Variants in MLLT3 observed in about 807,000 individuals in gnomAD.
The protein encoded by MLLT3 is MLLT3 super elongation complex subunit.
A neutral mutation model predicts 53.2 loss-of-function variants in MLLT3; 4 were observed. The observed-to-expected ratio is 0.08, with a 90% CI of 0.04 to 0.17. MLLT3 has a LOEUF of 0.17. Ranked by LOEUF, MLLT3 falls within the 10% of genes least tolerant of loss-of-function variation. The pLI is 1.00. For synonymous variants in MLLT3, 283 were observed against 230.6 expected, an observed-to-expected ratio of 1.23 and a Z score of -2.06; for missense variants, 569 against 684.0, an observed-to-expected ratio of 0.83 and a Z score of 1.87.
At chr9:20,364,295 T>C (rs1821396598) in intron 6 of MLLT3, among the ~76,000 whole-genome samples, 2 of 152,090 alleles carry the variant, frequency 1.3e-5, no homozygotes, top group Admixed American at 6.6e-5. Flanking sequence ...CAGGACAGTA[T>C]CCAGTATCAG....
intron 2 of MLLT3, among the ~76,000 whole-genome samples, chr9:20,503,604 T>C (rs1012890073): frequency 6.6e-6 from 1 of 152,060 alleles, no homozygotes; most frequent in Non-Finnish European, 1.5e-5. Flanking sequence ...GAAGAAAACA[T>C]AGCAGAAATT....
intron 8 of MLLT3, among the ~76,000 whole-genome samples, chr9:20,357,643 T>C (rs1302633614): frequency 2.6e-5 from 4 of 152,244 alleles, no homozygotes; most frequent in Admixed American, 6.5e-5. Flanking sequence ...TCAGGTTAAT[T>C]ACTTGCTTGG....
chr9:20,572,339 G>T (rs1388350068), intron 2 of MLLT3, among the ~76,000 whole-genome samples: 1 of 152,146 alleles, frequency 6.6e-6, no homozygotes, highest in Non-Finnish European at 1.5e-5. Context: ...TTTCAAAATT[G>T]CTGAGAGAGT....
rs1336916522 is a variant in MLLT3, at chr9:20,345,413, A to T, written c.*1030T>A. 1 of 212,162 alleles carries T rather than the reference A, an allele frequency of 4.7e-6. No individual in the cohort carries two copies. The highest frequency in any genetic ancestry group is 7.1e-5 in the East Asian group (1 of 14,134). 13.1% of individuals were successfully genotyped at this position (212,162 alleles called of 1,614,324 possible). ...ATGAGTAACACACTGGCAGCTGAAG[A>T]AAGCTGAAACTCTGACTAATAAATA... On this transcript the variant is annotated 3_prime_UTR_variant, in exon 11 of 11. Transcript: ENST00000380338.
chr9:20,588,308 T>A (rs1170129370), intron 2 of MLLT3, among the ~76,000 whole-genome samples: 1 of 149,886 alleles, frequency 6.7e-6, no homozygotes, highest in Non-Finnish European at 1.5e-5. Context: ...TGGCTTAGGA[T>A]TGACTTGGCG....
rs752542651 is a variant in MLLT3, at chr9:20,413,938, G to A, written c.908C>T (p.Ser303Leu). The A allele has an allele frequency of 6.2e-7, 1 of 1,613,762 alleles. No individual in the cohort carries two copies. The highest frequency in any genetic ancestry group is 1.1e-5 in the South Asian group (1 of 91,032). The part of the protein sequence containing the change: ...LSAKKRKKSS[S>L]EALFKSFSSA... ...AGAAAAACTTTTAAATAAAGCCTCT[G>A]AGCTACTCTTTTTCCTTTTTTTGGC... Residue 303 changes from serine to leucine, a missense_variant, in exon 5 of 11, where the codon TCA becomes TTA. By Grantham distance (145) the Ser-to-Leu change is moderately radical. This residue lies in a region of MLLT3 where 437 missense variants were observed against 376.5 expected (regional missense o/e 1.16). Transcript: ENST00000380338.
chr9:20,496,120 A>G (rs1825074264), intron 2 of MLLT3, among the ~76,000 whole-genome samples: 1 of 152,220 alleles, frequency 6.6e-6, no homozygotes, highest in Admixed American at 6.5e-5. Flanking sequence ...AAGGATTTCA[A>G]CTGTAACCTA....
intron 2 of MLLT3, among the ~76,000 whole-genome samples, chr9:20,492,538 A>C (rs756744685): frequency 9.2e-5 from 14 of 151,936 alleles, no homozygotes; most frequent in Non-Finnish European, 1.9e-4. Context: ...AAAATCATGA[A>C]AACATCACTT....
intron 2 of MLLT3, among the ~76,000 whole-genome samples, chr9:20,524,021 G>C (rs896470959): frequency 6.6e-6 from 1 of 151,940 alleles, no homozygotes; most frequent in African/African-American, 2.4e-5. Flanking sequence ...GGTTGTCAGG[G>C]GTCAGGGGAA....
At chr9:20,521,173 C>T (rs1359011339) in intron 2 of MLLT3, among the ~76,000 whole-genome samples, 3 of 151,994 alleles carry the variant, frequency 2.0e-5, no homozygotes, top group East Asian at 3.9e-4. Context: ...TGAGTTCAAG[C>T]GATTCTCCTG....
intron 5 of MLLT3, among the ~76,000 whole-genome samples, chr9:20,369,082 C>T (rs553622621): frequency 6.6e-6 from 1 of 152,248 alleles, no homozygotes; most frequent in East Asian, 1.9e-4. Context: ...GTGAGTGGGA[C>T]AGGACCCTGG....
chr9:20,371,512 T>C (rs1425838284), intron 5 of MLLT3, among the ~76,000 whole-genome samples: 1 of 152,212 alleles, frequency 6.6e-6, no homozygotes, highest in Non-Finnish European at 1.5e-5. Flanking sequence ...CCCTTAAGAA[T>C]TATGCTAAAT....
chr9:20,466,613 G>A (rs906665371), intron 2 of MLLT3, among the ~76,000 whole-genome samples: 1 of 152,042 alleles, frequency 6.6e-6, no homozygotes, highest in South Asian at 2.1e-4. Context: ...ATAGATAACA[G>A]GATAAAGAAC....
At chr9:20,442,012 G>A (rs1563966941) in intron 4 of MLLT3, among the ~76,000 whole-genome samples, 1 of 152,128 alleles carries the variant, frequency 6.6e-6, no homozygotes, top group Non-Finnish European at 1.5e-5. Flanking sequence ...CCAAATGTAA[G>A]TATGTGGGAA....
At chr9:20,368,176 C>T (rs1178727283) in intron 5 of MLLT3, among the ~76,000 whole-genome samples, 1 of 152,214 alleles carries the variant, frequency 6.6e-6, no homozygotes, top group Non-Finnish European at 1.5e-5. Flanking sequence ...CTATAAGGTA[C>T]TCTTCATTTC....
chr9:20,355,849 T>A (rs1563934012), intron 8 of MLLT3, among the ~76,000 whole-genome samples: 1 of 152,256 alleles, frequency 6.6e-6, no homozygotes, highest in Non-Finnish European at 1.5e-5. Flanking sequence ...ATATTCCTAC[T>A]GTTCTCTTTA....
intron 2 of MLLT3, among the ~76,000 whole-genome samples, chr9:20,463,291 G>C (rs898772265): frequency 2.0e-5 from 3 of 151,778 alleles, no homozygotes; most frequent in African/African-American, 7.3e-5. Flanking sequence ...TGGGGGGGAG[G>C]AGAAATTTTC....
intron 5 of MLLT3, among the ~76,000 whole-genome samples, chr9:20,391,999 T>C (rs907529040): frequency 1.3e-5 from 2 of 152,146 alleles, no homozygotes; most frequent in Non-Finnish European, 2.9e-5. Flanking sequence ...TCAATAGGCT[T>C]TCTAAGGAGC....
At chr9:20,393,160 A>C (rs933499086) in intron 5 of MLLT3, among the ~76,000 whole-genome samples, 1 of 147,906 alleles carries the variant, frequency 6.8e-6, no homozygotes, top group East Asian at 1.9e-4. Context: ...CATCTCAATT[A>C]AAAAAAAATG....
Sources: gnomAD v4.1 joint callset for allele counts (sites outside exome capture counted in the v4.1 genomes callset) on GRCh38, gnomAD v4.1.1 for gene constraint, gnomAD v4.1.1 regional missense constraint, MANE v1.5 for transcripts, NCBI Gene and HGNC (gene_info 2026-07-23, HGNC 2026-07-21) for gene names.